The following BMPR2 variants were observed in gnomAD, a reference collection of about 807,000 sequenced individuals.
BMPR2 encodes bone morphogenetic protein receptor type 2.
Under a neutral mutation model 100.8 loss-of-function variants are expected in BMPR2, and 29 were observed. That is an observed-to-expected ratio of 0.29 (90% confidence interval 0.21 to 0.39). The LOEUF (loss-of-function observed/expected upper bound fraction) is 0.39, where lower values mean the gene tolerates loss of function less well. BMPR2 is among the 10% of genes least tolerant of loss of function. BMPR2 has a pLI of 1.00. For missense variants in BMPR2, 1,011 were observed against 1,274.5 expected (o/e 0.79, Z 3.15); for synonymous variants, 382 against 442.3 (o/e 0.86, Z 1.71).
intron 7 of BMPR2, among the ~76,000 whole-genome samples, chr2:202,524,348 CGA>C (rs1470789343): frequency 7.1e-6 from 1 of 139,992 alleles, no homozygotes; most frequent in East Asian, 2.3e-4. Context: ...GGCGACAGAT[CGA>C]GAGTCTGTCT....
At position 202,561,447 on chromosome 2, in the gene BMPR2, C is replaced by G. The variant is rs1688677858; in HGVS notation, c.*1501C>G. The G allele has an allele frequency of 6.6e-6, 1 of 152,038 alleles. No individual in the cohort carries two copies. Among genetic ancestry groups the G allele is most frequent in the South Asian group, 2.1e-4 (1 of 4,826 alleles). The allele number at this position is 152,038 out of a possible 1,614,324, so 9.4% of individuals were successfully genotyped here. On this transcript the variant is annotated 3_prime_UTR_variant, in exon 13 of 13. Coordinates refer to ENST00000374580, the MANE Select transcript of BMPR2 (RefSeq NM_001204.7). Reference sequence around the variant, plus strand: ...CTTATAATCTCCTCTAAAACAACCTCTGCATGTTTTTTTTAAATAAAGCAC... The same window carrying G: ...CTTATAATCTCCTCTAAAACAACCTGTGCATGTTTTTTTTAAATAAAGCAC...
intron 3 of BMPR2, among the ~76,000 whole-genome samples, chr2:202,473,843 A>G (rs1378173169): frequency 6.6e-6 from 1 of 151,852 alleles, no homozygotes; most frequent in Non-Finnish European, 1.5e-5. Flanking sequence ...GCAGTGGCTC[A>G]TGCCTGTAAT....
At chr2:202,548,890 A>G (rs541390710) in intron 10 of BMPR2, among the ~76,000 whole-genome samples, 1 of 152,200 alleles carries the variant, frequency 6.6e-6, no homozygotes, top group Admixed American at 6.5e-5. Context: ...AAAGAGCTAT[A>G]ATTGATAAAC....
chr2:202,492,700 CAAAAAAAAAAA>C (rs1166246933), intron 3 of BMPR2, among the ~76,000 whole-genome samples: 8 of 52,810 alleles, frequency 1.5e-4, no homozygotes, highest in Non-Finnish European at 2.5e-4. Context: ...AGCTCTGTCT[CAAAAAAAAAAA>C]AAAAAAAAAA....
chr2:202,509,526 T>G (rs1211925932), intron 3 of BMPR2, among the ~76,000 whole-genome samples: 1 of 151,802 alleles, frequency 6.6e-6, no homozygotes, highest in Non-Finnish European at 1.5e-5. Flanking sequence ...TCTCATAATT[T>G]AGTAAAAGCA....
intron 1 of BMPR2, among the ~76,000 whole-genome samples, chr2:202,420,344 A>G (rs1691231281): frequency 1.3e-5 from 2 of 152,206 alleles, no homozygotes; most frequent in Middle Eastern, 3.4e-3. Context: ...TAGTATAGTT[A>G]ATTAAAATAA....
At chr2:202,436,856 A>T (rs1691624901) in intron 1 of BMPR2, among the ~76,000 whole-genome samples, 2 of 150,634 alleles carry the variant, frequency 1.3e-5, no homozygotes, top group East Asian at 3.8e-4. Flanking sequence ...ATGACTCTAG[A>T]ATTCTTTACT....
intron 1 of BMPR2, among the ~76,000 whole-genome samples, chr2:202,446,412 A>G (rs1207770900): frequency 5.3e-5 from 8 of 150,602 alleles, no homozygotes; most frequent in South Asian, 4.1e-4. Flanking sequence ...AAAAAAAGAA[A>G]GAAAATTATA....
rs1688707483 is a variant in BMPR2, at chr2:202,563,373, GTTGCAGTGAGCTGAGA to G, written c.*3429_*3444del. 1 of 152,124 alleles carries G rather than the reference GTTGCAGTGAGCTGAGA, an allele frequency of 6.6e-6. No homozygotes were observed. The highest frequency in any genetic ancestry group is 1.5e-5 in the Non-Finnish European group (1 of 68,084). 9.4% of individuals were successfully genotyped at this position (152,124 alleles called of 1,614,324 possible). A position where few individuals can be genotyped will look rare whatever the true frequency, so the allele number is the denominator to read the frequency against. ...AATCTCTTGAACCCGAGAGGTGGAG[GTTGCAGTGAGCTGAGA>G]TCGCGCCACTGCACTGCAGCCTAGG... is the stretch of plus-strand genomic sequence containing the variant. On this transcript the variant is annotated 3_prime_UTR_variant, in exon 13 of 13. Coordinates refer to ENST00000374580, the MANE Select transcript of BMPR2 (RefSeq NM_001204.7).
rs111570001 is a variant in BMPR2 at position 202,482,823 on chromosome 2, G to A, written c.418+15134G>A. Reference sequence around the variant, plus strand: ...CAAAGTGCTGGGATTACAGGCATGAGCCACCACACCCGGCTGCTACCTGGC... The same window carrying A: ...CAAAGTGCTGGGATTACAGGCATGAACCACCACACCCGGCTGCTACCTGGC... On this transcript the variant is annotated intron_variant, in intron 3 of 12. Transcript: ENST00000374580. 1.9e-3 allele frequency among the ~76,000 whole-genome samples: 293 copies of A among 152,248 alleles called. 1 individual carries two copies. The highest frequency in any genetic ancestry group is 6.8e-3 in the African/African-American group (282 of 41,540).
At chr2:202,478,368 T>C (rs1489768283) in intron 3 of BMPR2, among the ~76,000 whole-genome samples, 1 of 152,206 alleles carries the variant, frequency 6.6e-6, no homozygotes, top group East Asian at 1.9e-4. Flanking sequence ...ATATACAGTA[T>C]GTTAAATAAG....
intron 1 of BMPR2, among the ~76,000 whole-genome samples, chr2:202,389,565 T>C (rs1690504500): frequency 6.6e-6 from 1 of 151,734 alleles, no homozygotes; most frequent in Non-Finnish European, 1.5e-5. Context: ...TTGCTTTTGA[T>C]TTTATCATTT....
Position 202,377,311 on chromosome 2 carries a change from C to A in BMPR2, c.-164C>A. 1 of 719,672 alleles carries A rather than the reference C, an allele frequency of 1.4e-6. No homozygotes were observed. Among genetic ancestry groups the A allele is most frequent in the South Asian group, 1.5e-5 (1 of 65,586 alleles). 44.6% of individuals were successfully genotyped at this position (719,672 alleles called of 1,614,324 possible). On this transcript the variant is annotated 5_prime_UTR_variant, in exon 1 of 13. Transcript: ENST00000374580. ...GGGAATTTCTGCAGCGGCATGAAAG[C>A]TCTGCAGCTAGGTCCTCTCATCAGC...
intron 1 of BMPR2, among the ~76,000 whole-genome samples, chr2:202,411,866 C>G (rs369722353): frequency 2.0e-5 from 3 of 152,214 alleles, no homozygotes; most frequent in East Asian, 1.9e-4. Context: ...CAAGAAAGAA[C>G]TGAGGGACTA....
At chr2:202,412,087 A>T (rs71425938) in intron 1 of BMPR2, among the ~76,000 whole-genome samples, 16,696 of 152,212 alleles carry the variant, frequency 0.11, 1,068 homozygotes, top group Non-Finnish European at 0.14. Context: ...GGTAAAGGTT[A>T]TACAAAAACT....
chr2:202,505,022 G>T, intron 3 of BMPR2: 1 of 173,260 alleles, frequency 5.8e-6, no homozygotes, highest in Non-Finnish European at 1.2e-5. Context: ...AATGCATTGT[G>T]CTAGTTGGAT....
chr2:202,534,210 C>T (rs993572013), intron 9 of BMPR2, among the ~76,000 whole-genome samples: 2 of 144,794 alleles, frequency 1.4e-5, no homozygotes, highest in African/African-American at 2.5e-5. Context: ...ATATATGTAT[C>T]GTGTGTGTGT....
chr2:202,506,099 A>G (rs995293771), intron 3 of BMPR2, among the ~76,000 whole-genome samples: 5 of 152,090 alleles, frequency 3.3e-5, no homozygotes, highest in African/African-American at 4.8e-5. Context: ...TCACATGCCA[A>G]TGTTCTCACA....
Position 202,443,722 on chromosome 2 carries a change from C to A in BMPR2, c.77-21087C>A, listed in dbSNP as rs1028046943. Among the ~76,000 whole-genome samples, 16 of 150,646 alleles carry A rather than the reference C, an allele frequency of 1.1e-4. No individual in the cohort carries two copies. The South Asian group carries it at 2.9e-3, about 27-fold the overall frequency. Reference sequence around the variant, plus strand: ...GGGATTACAGGCATGTGCCACAATGCCCAGCTAATTGTTTTATTTTTATTT... The same window carrying A: ...GGGATTACAGGCATGTGCCACAATGACCAGCTAATTGTTTTATTTTTATTT... On this transcript the variant is annotated intron_variant, in intron 1 of 12. Transcript: ENST00000374580.
Sources: allele counts gnomAD v4.1 joint callset (sites outside exome capture counted in the v4.1 genomes callset), GRCh38; gene constraint gnomAD v4.1.1; transcripts MANE v1.5; gene names NCBI Gene and HGNC (gene_info 2026-07-23, HGNC 2026-07-21).